The following GPC5 variants were observed in gnomAD, a reference collection of about 807,000 sequenced individuals.
GPC5 encodes the protein glypican 5.
In GPC5, 47 loss-of-function variants were observed where a neutral mutation model predicts 53.9. The observed-to-expected ratio is 0.87, with a 90% confidence interval of 0.69 to 1.11. The LOEUF (loss-of-function observed/expected upper bound fraction) is 1.11, where lower values mean the gene tolerates loss of function less well. Among genes scored for constraint, GPC5 ranks in the 50% most tolerant of loss-of-function variants. The pLI is 0.00. For missense variants in GPC5, 748 were observed against 713.1 expected (o/e 1.05, Z -0.56); for synonymous variants, 286 against 263.3 (o/e 1.09, Z -0.84).
At chr13:91,542,019 T>TATTAATAATATTA (rs1555321637) in intron 2 of GPC5, among the ~76,000 whole-genome samples, 1 of 147,002 alleles carries the variant, frequency 6.8e-6, no homozygotes, top group Non-Finnish European at 1.5e-5. Context: ...GAGCTCTTAA[T>TATTAATAATATTA]ATTAATTAAT....
chr13:92,297,924 G>A (rs1011782573), intron 7 of GPC5, among the ~76,000 whole-genome samples: 54 of 152,066 alleles, frequency 3.6e-4, no homozygotes, highest in African/African-American at 1.3e-3. Context: ...GCGAGAACAC[G>A]AGCCCACTGG....
At chr13:92,733,695 G>C (rs764767559) in intron 7 of GPC5, among the ~76,000 whole-genome samples, 1 of 151,626 alleles carries the variant, frequency 6.6e-6, no homozygotes, top group African/African-American at 2.4e-5. Context: ...CAGCACAATA[G>C]GCACATGTTT....
At chr13:91,457,379 C>G (rs1396232978) in intron 2 of GPC5, among the ~76,000 whole-genome samples, 2 of 152,110 alleles carry the variant, frequency 1.3e-5, no homozygotes, top group East Asian at 3.9e-4. Context: ...TAAAAAATAT[C>G]TAAGACGTTA....
intron 7 of GPC5, among the ~76,000 whole-genome samples, chr13:92,332,501 T>C (rs1265300806): frequency 6.6e-6 from 1 of 152,182 alleles, no homozygotes; most frequent in East Asian, 1.9e-4. Context: ...GCTGCCTCAA[T>C]CCTTAGTTTT....
chr13:92,498,382 C>A (rs1013666559), intron 7 of GPC5, among the ~76,000 whole-genome samples: 4 of 152,070 alleles, frequency 2.6e-5, no homozygotes, highest in African/African-American at 9.7e-5. Flanking sequence ...CCTTTCCAGT[C>A]CAGTGTTCCT....
chr13:92,267,170 C>T (rs2042808268), intron 7 of GPC5, among the ~76,000 whole-genome samples: 1 of 152,038 alleles, frequency 6.6e-6, no homozygotes, highest in Non-Finnish European at 1.5e-5. Context: ...ACTAATCAAA[C>T]ATACGTTCTT....
chr13:92,112,391 T>C (rs2041564637), intron 6 of GPC5, among the ~76,000 whole-genome samples: 1 of 152,074 alleles, frequency 6.6e-6, no homozygotes, highest in Non-Finnish European at 1.5e-5. Context: ...GAAGTGATGG[T>C]CAAAGAAACA....
intron 2 of GPC5, among the ~76,000 whole-genome samples, chr13:91,619,327 T>C (rs1446098202): frequency 6.6e-6 from 1 of 152,134 alleles, no homozygotes; most frequent in Non-Finnish European, 1.5e-5. Context: ...TTTAATTCCA[T>C]GTGCAGTGGA....
At chr13:92,031,450 A>C (rs933197559) in intron 6 of GPC5, among the ~76,000 whole-genome samples, 1 of 151,634 alleles carries the variant, frequency 6.6e-6, no homozygotes, top group Non-Finnish European at 1.5e-5. Context: ...TTCTTTAAGG[A>C]ATCTTCACAC....
chr13:91,859,410 C>A (rs2039001754), intron 5 of GPC5, among the ~76,000 whole-genome samples: 1 of 151,824 alleles, frequency 6.6e-6, no homozygotes, highest in Non-Finnish European at 1.5e-5. Context: ...TTCTAAGGAT[C>A]ATTAGAGGCT....
intron 5 of GPC5, among the ~76,000 whole-genome samples, chr13:91,889,836 C>T (rs979831935): frequency 3.3e-5 from 5 of 152,112 alleles, no homozygotes; most frequent in African/African-American, 1.2e-4. Context: ...AAGCATTAAG[C>T]AAATGATTGC....
At chr13:92,064,695 T>A (rs542665422) in intron 6 of GPC5, among the ~76,000 whole-genome samples, 2 of 145,720 alleles carry the variant, frequency 1.4e-5, no homozygotes, top group Non-Finnish European at 3.0e-5. Flanking sequence ...AGGCAGAGGT[T>A]GCAGTGAGCC....
chr13:92,223,117 T>C (rs1468270750), intron 7 of GPC5, among the ~76,000 whole-genome samples: 1 of 152,046 alleles, frequency 6.6e-6, no homozygotes, highest in Non-Finnish European at 1.5e-5. Context: ...TAGAACCTAT[T>C]GCTGAACCTA....
intron 6 of GPC5, among the ~76,000 whole-genome samples, chr13:92,119,252 C>T (rs1047209661): frequency 5.9e-5 from 9 of 152,066 alleles, no homozygotes; most frequent in African/African-American, 2.2e-4. Context: ...TGGGGAAGAC[C>T]AGCCCCAATG....
At chr13:92,292,743 A>G (rs1020451563) in intron 7 of GPC5, among the ~76,000 whole-genome samples, 1 of 152,130 alleles carries the variant, frequency 6.6e-6, no homozygotes, top group Admixed American at 6.5e-5. Context: ...AACTTCGCCT[A>G]AGCCAGTGTC....
At chr13:92,176,532 C>A (rs2042110138) in intron 7 of GPC5, among the ~76,000 whole-genome samples, 2 of 152,104 alleles carry the variant, frequency 1.3e-5, no homozygotes, top group African/African-American at 4.8e-5. Flanking sequence ...ATAGCTAATG[C>A]TCATTTGAAA....
intron 2 of GPC5, among the ~76,000 whole-genome samples, chr13:91,669,227 T>C (rs55924226): frequency 0.16 from 24,478 of 152,140 alleles, 2,161 homozygotes; most frequent in East Asian, 0.28. Flanking sequence ...GTGGATGGTA[T>C]AGAGTATGTG....
chr13:92,456,552 C>T (rs1005774699), intron 7 of GPC5, among the ~76,000 whole-genome samples: 15 of 152,180 alleles, frequency 9.9e-5, no homozygotes, highest in Non-Finnish European at 2.1e-4. Context: ...AAATTTGGAA[C>T]TCCTTGTTCA....
At chr13:92,666,994 T>C (rs529226532) in intron 7 of GPC5, among the ~76,000 whole-genome samples, 1 of 152,244 alleles carries the variant, frequency 6.6e-6, no homozygotes, top group East Asian at 1.9e-4. Context: ...CACCCTATAC[T>C]GAAGCATTTC....
Sources: gnomAD v4.1 joint callset for allele counts (sites outside exome capture counted in the v4.1 genomes callset) on GRCh38, gnomAD v4.1.1 for gene constraint, MANE v1.5 for transcripts, NCBI Gene and HGNC (gene_info 2026-07-23, HGNC 2026-07-21) for gene names.